GALNT1: variants seen among roughly 807,000 people sequenced by gnomAD.
GALNT1 encodes the protein polypeptide N-acetylgalactosaminyltransferase 1.
In GALNT1, 17 loss-of-function variants were observed where a neutral mutation model predicts 65.7. The observed-to-expected ratio is 0.26, with a 90% CI of 0.18 to 0.39. The LOEUF is 0.39. Ranked by LOEUF, GALNT1 falls within the 10% of genes least tolerant of loss-of-function variation. GALNT1 has a pLI of 1.00. For synonymous variants in GALNT1, 210 were observed against 219.7 expected, an observed-to-expected ratio of 0.96 and a Z score of 0.39; for missense variants, 460 against 672.8, an observed-to-expected ratio of 0.68 and a Z score of 3.50.
At chr18:35,586,716 TG>T (rs1439835273) in intron 1 of GALNT1, among the ~76,000 whole-genome samples, 10 of 152,346 alleles carry the variant, frequency 6.6e-5, no homozygotes, top group African/African-American at 2.4e-4. Flanking sequence ...TTTGTATCTT[TG>T]TAAAAAAGCA....
intron 1 of GALNT1, among the ~76,000 whole-genome samples, chr18:35,626,930 A>G (rs1446094363): frequency 6.6e-6 from 1 of 152,222 alleles, no homozygotes; most frequent in Non-Finnish European, 1.5e-5. Context: ...TTTCAGTACC[A>G]TTAGTCAGGA....
At chr18:35,581,971 C>T (rs1396532383) in intron 1 of GALNT1, 109 bp downstream of exon 1, 1 of 151,972 alleles carries the variant, frequency 6.6e-6, no homozygotes. Context: ...CCTTTGTGGC[C>T]GGCGCTGCCT....
intron 1 of GALNT1, among the ~76,000 whole-genome samples, chr18:35,612,753 T>G (rs2046733373): frequency 6.6e-6 from 1 of 152,006 alleles, no homozygotes; most frequent in African/African-American, 2.4e-5. Context: ...TAATCCCAGC[T>G]CCTCGAGAGG....
At chr18:35,617,711 C>T (rs1243823742) in intron 1 of GALNT1, among the ~76,000 whole-genome samples, 1 of 152,178 alleles carries the variant, frequency 6.6e-6, no homozygotes, top group South Asian at 2.1e-4. Flanking sequence ...GACCACAATG[C>T]TGTTAACATT....
chr18:35,703,083 A>G, intron 10 of GALNT1, 88 bp downstream of exon 10: 1 of 708,034 alleles, frequency 1.4e-6, no homozygotes, highest in South Asian at 2.6e-5. Flanking sequence ...CATTCAGGAA[A>G]TATTTTCCTT....
At chr18:35,632,906 C>G (rs1462530810) in intron 1 of GALNT1, among the ~76,000 whole-genome samples, 6 of 152,150 alleles carry the variant, frequency 3.9e-5, no homozygotes, top group African/African-American at 1.4e-4. Context: ...AGACACTTCT[C>G]AAAAGAAGAC....
chr18:35,631,146 C>G (rs2047002520), intron 1 of GALNT1, among the ~76,000 whole-genome samples: 1 of 152,156 alleles, frequency 6.6e-6, no homozygotes, highest in African/African-American at 2.4e-5. Context: ...TGGTACCATT[C>G]CTTATGAAAC....
chr18:35,585,464 T>G (rs1452211398), intron 1 of GALNT1, among the ~76,000 whole-genome samples: 1 of 152,256 alleles, frequency 6.6e-6, no homozygotes, highest in Admixed American at 6.5e-5. Context: ...TATATCTGTG[T>G]GTCCTCATTT....
chr18:35,589,296 C>T (rs977861861), intron 1 of GALNT1, among the ~76,000 whole-genome samples: 1 of 152,116 alleles, frequency 6.6e-6, no homozygotes, highest in Admixed American at 6.5e-5. Flanking sequence ...TTCTCAACAC[C>T]ACCCTGGTGT....
intron 1 of GALNT1, among the ~76,000 whole-genome samples, chr18:35,630,336 A>C (rs991582879): frequency 3.3e-5 from 5 of 152,218 alleles, no homozygotes; most frequent in Non-Finnish European, 5.9e-5. Flanking sequence ...AAAAGAACAG[A>C]AATTACAACA....
chr18:35,632,483 A>G lies in GALNT1; in HGVS notation c.-103-22077A>G, dbSNP rs566233014. Among the ~76,000 whole-genome samples, 4 of 152,352 alleles carry G rather than the reference A, an allele frequency of 2.6e-5. No individual in the cohort carries two copies. In the South Asian group the frequency reaches 8.3e-4, roughly 32 times the overall value. On this transcript the variant is annotated intron_variant, in intron 1 of 11. Transcript: ENST00000269195. The stretch of plus-strand genomic sequence containing the variant: ...CCTATTTAACCAATGGTGCTGGGAA[A>G]ACTGGCTAGCCATATGTAGAAAGCT...
intron 1 of GALNT1, among the ~76,000 whole-genome samples, chr18:35,599,136 A>G (rs2046545546): frequency 6.6e-6 from 1 of 151,770 alleles, no homozygotes; most frequent in African/African-American, 2.4e-5. Context: ...CATTGGATGG[A>G]TAGTTTACAG....
chr18:35,700,230 GC>G (rs1208981455), intron 9 of GALNT1, among the ~76,000 whole-genome samples: 1 of 152,192 alleles, frequency 6.6e-6, no homozygotes, highest in African/African-American at 2.4e-5. Flanking sequence ...CACCTGGAGA[GC>G]AGATGTCCCT....
intron 1 of GALNT1, among the ~76,000 whole-genome samples, chr18:35,640,115 T>C (rs939133009): frequency 2.6e-5 from 4 of 152,208 alleles, no homozygotes; most frequent in African/African-American, 9.6e-5. Flanking sequence ...CTAGATTTCT[T>C]TTGCAGTATT....
chr18:35,687,768 C>T (rs1568032794), intron 6 of GALNT1, among the ~76,000 whole-genome samples: 2 of 151,924 alleles, frequency 1.3e-5, no homozygotes, highest in South Asian at 2.1e-4. Flanking sequence ...AATCTTCATG[C>T]TCTTTTTAGA....
chr18:35,709,486 AC>A (rs1158712031), intron 11 of GALNT1, 137 bp from the exon 12 acceptor site: 3 of 745,634 alleles, frequency 4.0e-6, no homozygotes, highest in Non-Finnish European at 6.3e-6. Context: ...CCACCTACCT[AC>A]CTTTTCTCCG....
chr18:35,639,232 T>G (rs2047131069), intron 1 of GALNT1, among the ~76,000 whole-genome samples: 1 of 152,202 alleles, frequency 6.6e-6, no homozygotes, highest in African/African-American at 2.4e-5. Context: ...CATTTTTGTC[T>G]TATTTTAAGA....
chr18:35,681,468 C>T (rs1480391517), intron 4 of GALNT1, among the ~76,000 whole-genome samples: 1 of 151,490 alleles, frequency 6.6e-6, no homozygotes, highest in Non-Finnish European at 1.5e-5. Flanking sequence ...TTGTGAGTTA[C>T]CCGACCACAG....
chr18:35,630,273 G>T (rs117633380), intron 1 of GALNT1, among the ~76,000 whole-genome samples: 4 of 152,044 alleles, frequency 2.6e-5, no homozygotes, highest in African/African-American at 9.7e-5. Context: ...CCACACCGCA[G>T]TTACTCCAAA....
Sources: allele counts gnomAD v4.1 joint callset (sites outside exome capture counted in the v4.1 genomes callset), GRCh38; gene constraint gnomAD v4.1.1; transcripts MANE v1.5; gene names NCBI Gene and HGNC (gene_info 2026-07-23, HGNC 2026-07-21).